KLRG1: variants seen among roughly 807,000 people sequenced by gnomAD.
KLRG1 encodes killer cell lectin like receptor G1.
In KLRG1, 16 loss-of-function variants were observed where a neutral mutation model predicts 21.8. The observed-to-expected ratio is 0.73, with a 90% CI of 0.50 to 1.11. The LOEUF (loss-of-function observed/expected upper bound fraction) is 1.11, where lower values mean the gene tolerates loss of function less well. Ranked by LOEUF, KLRG1 falls within the 50% of genes most tolerant of loss-of-function variation. KLRG1 has a pLI of 0.00. For missense variants in KLRG1, 173 were observed against 218.3 expected, an observed-to-expected ratio of 0.79 and a Z score of 1.31; for synonymous variants, 69 against 75.9, an observed-to-expected ratio of 0.91 and a Z score of 0.47.
At chr12:9,012,588 G>T (rs1055953674), downstream of KLRG1, among the ~76,000 whole-genome samples, 1 of 151,650 alleles carries the variant, frequency 6.6e-6, no homozygotes, top group African/African-American at 2.4e-5. Flanking sequence ...TCTTCTGCTT[G>T]AGGAAATTAG....
the KLRG1 span, among the ~76,000 whole-genome samples, chr12:9,131,775 A>G: frequency 6.6e-6 from 1 of 151,628 alleles, no homozygotes; most frequent in African/African-American, 2.4e-5. Flanking sequence ...ATATACATAT[A>G]TAGTTTATAT....
chr12:9,162,734 G>T, the KLRG1 span: 1 of 1,070,194 alleles, frequency 9.3e-7, no homozygotes, highest in Non-Finnish European at 1.4e-6. Flanking sequence ...TGATGGGTAG[G>T]GTTTACACGA....
chr12:9,203,485 G>A, the KLRG1 span, among the ~76,000 whole-genome samples: 10 of 151,918 alleles, frequency 6.6e-5, no homozygotes, highest in Admixed American at 4.6e-4. Context: ...GGGACTACGG[G>A]CGCCTGCCAC....
chr12:9,198,955 G>A, the KLRG1 span, among the ~76,000 whole-genome samples: 1 of 152,104 alleles, frequency 6.6e-6, no homozygotes, highest in Non-Finnish European at 1.5e-5. Flanking sequence ...TGCTCCCTCT[G>A]GGACTGTTTG....
chr12:8,951,455 T>G (rs1250876374), intron 1 of KLRG1, among the ~76,000 whole-genome samples: 1 of 152,142 alleles, frequency 6.6e-6, no homozygotes, highest in East Asian at 1.9e-4. Flanking sequence ...GGTGATAGAG[T>G]GAGAACCTAT....
the KLRG1 span, chr12:9,093,560 T>C: frequency 6.2e-7 from 1 of 1,603,570 alleles, no homozygotes; most frequent in Non-Finnish European, 8.5e-7. Flanking sequence ...GTGCATGGCC[T>C]CTTCCCATTA....
chr12:9,106,568 G>A, the KLRG1 span: 1 of 1,590,710 alleles, frequency 6.3e-7, no homozygotes, highest in Non-Finnish European at 8.6e-7. Flanking sequence ...GAAGACCTTG[G>A]TTTTTACTTG....
the KLRG1 span, among the ~76,000 whole-genome samples, chr12:9,030,310 A>C: frequency 6.6e-6 from 1 of 152,220 alleles, no homozygotes; most frequent in African/African-American, 2.4e-5. Flanking sequence ...TACATAATAT[A>C]AAGTTTATCA....
the KLRG1 span, among the ~76,000 whole-genome samples, chr12:9,162,110 C>G: frequency 3.3e-5 from 5 of 152,228 alleles, no homozygotes; most frequent in Admixed American, 2.6e-4. Flanking sequence ...TACAGGCGCC[C>G]GCCACCAGGC....
chr12:9,104,212 T>A, the KLRG1 span: 1 of 1,598,800 alleles, frequency 6.3e-7, no homozygotes, highest in Non-Finnish European at 8.5e-7. Flanking sequence ...CTACTTCATG[T>A]CATTGGTAAT....
At chr12:9,138,575 G>A in the KLRG1 span, among the ~76,000 whole-genome samples, 1 of 151,738 alleles carries the variant, frequency 6.6e-6, no homozygotes, top group African/African-American at 2.4e-5. Context: ...AGACTGATTG[G>A]CACTTTTTTA....
intron 3 of KLRG1, among the ~76,000 whole-genome samples, chr12:9,001,954 A>G (rs1382581901): frequency 1.3e-5 from 2 of 152,168 alleles, no homozygotes; most frequent in Non-Finnish European, 2.9e-5. Context: ...AAATTATTCC[A>G]GGTAATAAAA....
At chr12:8,973,163 G>GAAAAAAAAAAAAAAAAAAAAAAAAAAAA (rs59760555) in intron 1 of KLRG1, among the ~76,000 whole-genome samples, 1 of 97,034 alleles carries the variant, frequency 1.0e-5, no homozygotes, top group South Asian at 3.2e-4. Context: ...CATCTCAAAA[G>GAAAAAAAAAAAAAAAAAAAAAAAAAAAA]AAAAAAAAAA....
At chr12:9,055,621 A>G in the KLRG1 span, 1 of 152,546 alleles carries the variant, frequency 6.6e-6, no homozygotes, top group African/African-American at 2.4e-5. Context: ...TTATTTGCCA[A>G]CCTCATTCAG....
rs780988158 is a variant in KLRG1 at position 8,973,201 on chromosome 12, G to C, written c.-155-19005G>C. On this transcript the variant is annotated intron_variant, in intron 1 of 4. Transcript: ENST00000539240. ...AAAAAAAAAAAAAAGAATGCCATTG[G>C]GACTTTGATAAAGATTGCATTTAAT... Among the ~76,000 whole-genome samples, 10 of 150,950 alleles carry C rather than the reference G, an allele frequency of 6.6e-5. No individual in the cohort carries two copies. The South Asian group carries it at 2.1e-3, about 32-fold the overall frequency.
intron 1 of KLRG1, among the ~76,000 whole-genome samples, chr12:8,956,162 C>T (rs962655472): frequency 3.3e-5 from 5 of 152,214 alleles, no homozygotes; most frequent in Non-Finnish European, 7.3e-5. Flanking sequence ...ACCTGCCGAA[C>T]AGCGGGTGCA....
the KLRG1 span, chr12:9,072,903 T>C: frequency 2.5e-6 from 4 of 1,583,948 alleles, no homozygotes; most frequent in Non-Finnish European, 3.5e-6. Flanking sequence ...GAGAACCCAT[T>C]GGGCATTATA....
chr12:8,989,413 T>G, upstream of KLRG1: 1 of 399,434 alleles, frequency 2.5e-6, no homozygotes. Flanking sequence ...TAATATATAT[T>G]TAGTGAGCAT....
the KLRG1 span, chr12:9,077,505 T>C: frequency 1.3e-6 from 2 of 1,489,058 alleles, no homozygotes; most frequent in Non-Finnish European, 1.8e-6. Context: ...TGTCATGGAA[T>C]TCATCCTTAC....
Sources: gnomAD v4.1 joint callset for allele counts (sites outside exome capture counted in the v4.1 genomes callset) on GRCh38, gnomAD v4.1.1 for gene constraint, MANE v1.5 for transcripts, NCBI Gene and HGNC (gene_info 2026-07-23, HGNC 2026-07-21) for gene names.